The following EPHA5 variants were observed in gnomAD, a reference collection of about 807,000 sequenced individuals.
The protein encoded by EPHA5 is ephrin type-A receptor 5.
In EPHA5, 60 loss-of-function variants were observed where a neutral mutation model predicts 105.0. The observed-to-expected ratio is 0.57, with a 90% CI of 0.46 to 0.71. EPHA5 has a LOEUF of 0.71. Among genes scored for constraint, EPHA5 ranks in the 30% least tolerant of loss-of-function variants. EPHA5 has a pLI of 0.00. For synonymous variants in EPHA5, 513 were observed against 449.1 expected (o/e 1.14, Z -1.80); for missense variants, 1,218 against 1,274.7 (o/e 0.96, Z 0.68).
intron 3 of EPHA5, among the ~76,000 whole-genome samples, chr4:65,549,049 G>A (rs895651862): frequency 9.9e-5 from 15 of 152,272 alleles, no homozygotes; most frequent in South Asian, 4.1e-4. Flanking sequence ...AGTGAAAATA[G>A]CAGATCTTTC....
intron 11 of EPHA5, among the ~76,000 whole-genome samples, chr4:65,359,790 C>A (rs918273553): frequency 2.3e-4 from 35 of 151,630 alleles, no homozygotes; most frequent in Non-Finnish European, 4.4e-5. Context: ...GGTCCTACCA[C>A]CTCTTCTTAA....
chr4:65,643,501 T>A (rs2149515268), intron 1 of EPHA5, 74 bp from the exon 2 acceptor site: 1 of 1,245,978 alleles, frequency 8.0e-7, no homozygotes, highest in Non-Finnish European at 1.2e-6. Context: ...TTAATAGTGT[T>A]ATTAAAATTG....
chr4:65,421,248 T>C (rs1723919702), intron 5 of EPHA5, among the ~76,000 whole-genome samples: 1 of 152,102 alleles, frequency 6.6e-6, no homozygotes, highest in Non-Finnish European at 1.5e-5. Flanking sequence ...CTTTCGGGTA[T>C]GTCTGGATAT....
chr4:65,348,815 A>ATTT (rs10633855), intron 13 of EPHA5, among the ~76,000 whole-genome samples: 3,935 of 64,080 alleles, frequency 0.061, 742 homozygotes, highest in African/African-American at 0.14. Context: ...ATATATATAT[A>ATTT]TTTTTTTTTT....
intron 3 of EPHA5, among the ~76,000 whole-genome samples, chr4:65,544,845 C>G (rs28493774): frequency 0.12 from 17,496 of 151,574 alleles, 1,441 homozygotes; most frequent in East Asian, 0.3. Flanking sequence ...CATTCATAGA[C>G]TGGATAAAGA....
intron 8 of EPHA5, among the ~76,000 whole-genome samples, chr4:65,402,833 A>G (rs1560498970): frequency 4.6e-5 from 7 of 152,160 alleles, no homozygotes; most frequent in Admixed American, 3.9e-4. Flanking sequence ...AGTTCTTGCA[A>G]CTTGATTATA....
chr4:65,509,344 G>T (rs560077684), intron 3 of EPHA5, among the ~76,000 whole-genome samples: 24 of 152,162 alleles, frequency 1.6e-4, no homozygotes, highest in African/African-American at 5.5e-4. Flanking sequence ...CGACCTGTTT[G>T]ATACAATTAT....
chr4:65,536,627 ATAAGT>A (rs1736313343), intron 3 of EPHA5, among the ~76,000 whole-genome samples: 1 of 150,602 alleles, frequency 6.6e-6, no homozygotes, highest in Non-Finnish European at 1.5e-5. Context: ...TATTGTTGAA[ATAAGT>A]TAATACTTTG....
At position 65,649,848 on chromosome 4, in the gene EPHA5, A is replaced by G. The variant is rs567280801; in HGVS notation, c.182-6421T>C. Among the ~76,000 whole-genome samples, 5 of 152,276 alleles carry G rather than the reference A, an allele frequency of 3.3e-5. No homozygotes were observed. The East Asian group carries it at 5.8e-4, about 18-fold the overall frequency. On this transcript the variant is annotated intron_variant, in intron 1 of 16. Transcript: ENST00000613740. ...ATCTCACTTTTCATCTTCAGTGACA[A>G]CAGATTTCTGTGGTTTTCTTACCTC...
chr4:65,456,504 G>T (rs997214565), intron 5 of EPHA5, among the ~76,000 whole-genome samples: 1 of 152,108 alleles, frequency 6.6e-6, no homozygotes, highest in Non-Finnish European at 1.5e-5. Flanking sequence ...GCTGATTAGT[G>T]TGTCACAACA....
chr4:65,321,397 C>G lies in EPHA5; in HGVS notation c.*2717G>C. 4.3e-6 allele frequency: 1 copy of G among 230,344 alleles called. No homozygotes were observed. Among genetic ancestry groups the G allele is most frequent in the Non-Finnish European group, 8.6e-6 (1 of 116,182 alleles). 14.3% of individuals were successfully genotyped at this position (230,344 alleles called of 1,614,324 possible). A position where few individuals can be genotyped will look rare whatever the true frequency, so the allele number is the denominator to read the frequency against. On this transcript the variant is annotated 3_prime_UTR_variant, in exon 17 of 17. Coordinates refer to ENST00000613740, the MANE Select transcript of EPHA5 (RefSeq NM_001281766.3). Reference sequence around the variant, plus strand: ...ACTAGAGTTGGCTCCTCTCCTTGTTCCATTTCTCACACTTGCAGATGAGAT... The same window carrying G: ...ACTAGAGTTGGCTCCTCTCCTTGTTGCATTTCTCACACTTGCAGATGAGAT...
chr4:65,404,945 G>A (rs1305432881), intron 7 of EPHA5, among the ~76,000 whole-genome samples: 1 of 151,990 alleles, frequency 6.6e-6, no homozygotes, highest in Admixed American at 6.6e-5. Context: ...AGACATTGAT[G>A]ACCAAAATAA....
chr4:65,348,778 CA>C (rs1722510133), intron 13 of EPHA5, among the ~76,000 whole-genome samples: 1 of 44,520 alleles, frequency 2.2e-5, no homozygotes, highest in African/African-American at 7.0e-5. Flanking sequence ...TATGTGTGTG[CA>C]TGTGTGTGTG....
In EPHA5 at chr4:65,365,146, G is replaced by C. The variant is rs2148888862; in HGVS notation, c.2044C>G (p.Pro682Ala). 6.2e-7 allele frequency: 1 copy of C among 1,611,360 alleles called. No individual in the cohort carries two copies. The highest frequency in any genetic ancestry group is 8.5e-7 in the Non-Finnish European group (1 of 1,178,254). ...RLKLPGKREL[P>A]VAIKTLKVGY... ...ACTTTAAGGGTTTTGATAGCCACAG[G>C]TAATTCTCTTTTTCCTGGTAGTTTC... The change falls in exon 11 of 17, where the codon CCT (proline) becomes GCT (alanine). Residue 682 changes from proline (P) to alanine (A), a missense_variant. By Grantham distance (27) the Pro-to-Ala change is conservative. This residue lies in a region of EPHA5 where 971 missense variants were observed against 1,013.5 expected (regional missense o/e 0.96). Coordinates refer to ENST00000613740, the MANE Select transcript of EPHA5 (RefSeq NM_001281766.3).
At chr4:65,373,109 T>TG (rs747477647) in intron 8 of EPHA5, among the ~76,000 whole-genome samples, 1 of 151,948 alleles carries the variant, frequency 6.6e-6, no homozygotes, top group Non-Finnish European at 1.5e-5. Context: ...TCCTATTAAT[T>TG]TTTAACTGTT....
At chr4:65,490,778 C>T (rs1417790874) in intron 4 of EPHA5, 66 bp from the exon 5 acceptor site, 4 of 1,466,736 alleles carry the variant, frequency 2.7e-6, no homozygotes, top group African/African-American at 2.8e-5. Context: ...TTATTTATCA[C>T]ACCAATTCCT....
chr4:65,565,018 A>G (rs984906642), intron 3 of EPHA5, among the ~76,000 whole-genome samples: 1 of 151,766 alleles, frequency 6.6e-6, no homozygotes, highest in African/African-American at 2.4e-5. Flanking sequence ...AATAAATATT[A>G]TACAGTTAAT....
At chr4:65,422,992 C>CT (rs1415978286) in intron 5 of EPHA5, among the ~76,000 whole-genome samples, 2 of 151,954 alleles carry the variant, frequency 1.3e-5, no homozygotes, top group South Asian at 2.1e-4. Flanking sequence ...AATTAATGTC[C>CT]TTTTTCTGTC....
chr4:65,361,812 T>C (rs764693198), intron 11 of EPHA5, among the ~76,000 whole-genome samples: 3 of 151,628 alleles, frequency 2.0e-5, no homozygotes, highest in Non-Finnish European at 4.4e-5. Flanking sequence ...TTATACATGA[T>C]TCTAAATTAA....
Sources: gnomAD v4.1 joint callset for allele counts (sites outside exome capture counted in the v4.1 genomes callset) on GRCh38, gnomAD v4.1.1 for gene constraint, gnomAD v4.1.1 regional missense constraint, MANE v1.5 for transcripts, NCBI Gene and HGNC (gene_info 2026-07-23, HGNC 2026-07-21) for gene names.